GSK3B: variants seen among roughly 807,000 people sequenced by gnomAD.
GSK3B encodes the protein glycogen synthase kinase 3 beta.
GSK3B carries 15 observed loss-of-function variants against 56.4 expected under a neutral mutation model. That is an observed-to-expected ratio of 0.27 (90% CI 0.18 to 0.41). The LOEUF (loss-of-function observed/expected upper bound fraction) is 0.41, where lower values mean the gene tolerates loss of function less well. GSK3B is among the 10% of genes least tolerant of loss of function. The probability of loss-of-function intolerance (pLI) is 1.00; values close to 1 mark genes in which losing one functional copy is unlikely to be tolerated. For missense variants in GSK3B, 300 were observed against 513.4 expected, an observed-to-expected ratio of 0.58 and a Z score of 4.02; for synonymous variants, 181 against 188.9, an observed-to-expected ratio of 0.96 and a Z score of 0.34.
chr3:119,931,641 A>T (rs1394810598), intron 3 of GSK3B, among the ~76,000 whole-genome samples: 6 of 152,058 alleles, frequency 3.9e-5, no homozygotes, highest in Admixed American at 3.3e-4. Context: ...AAAAAGAAAT[A>T]AAAAAATAAA....
intron 2 of GSK3B, among the ~76,000 whole-genome samples, chr3:119,978,179 C>T (rs960816651): frequency 1.4e-4 from 21 of 152,096 alleles, no homozygotes; most frequent in Non-Finnish European, 2.9e-5. Flanking sequence ...AACAACATCA[C>T]CAACCTGAAA....
At chr3:119,879,469 T>C (rs1295532968) in intron 7 of GSK3B, among the ~76,000 whole-genome samples, 1 of 152,170 alleles carries the variant, frequency 6.6e-6, no homozygotes, top group Non-Finnish European at 1.5e-5. Flanking sequence ...GTGTGAGCCA[T>C]TGCGCACAGC....
intron 8 of GSK3B, among the ~76,000 whole-genome samples, chr3:119,865,612 G>A (rs914150099): frequency 1.3e-5 from 2 of 150,458 alleles, no homozygotes; most frequent in Non-Finnish European, 3.0e-5. Context: ...TGGGACTACA[G>A]GCGCCCGCCA....
At chr3:119,948,107 G>A (rs2057118065) in intron 2 of GSK3B, among the ~76,000 whole-genome samples, 1 of 152,170 alleles carries the variant, frequency 6.6e-6, no homozygotes, top group Non-Finnish European at 1.5e-5. Context: ...TTGACTGACA[G>A]AAATCCACTT....
rs142969385 is a variant in GSK3B, at chr3:119,995,488, C to T, written c.282+6558G>A. On this transcript the variant is annotated intron_variant, in intron 2 of 10. Transcript: ENST00000264235. Reference sequence around the variant, plus strand: ...CAATAATTATTTTTTTTTTTTGAGACGGAGTCTCACTCTGTCACCAGGCTG... The same window carrying T: ...CAATAATTATTTTTTTTTTTTGAGATGGAGTCTCACTCTGTCACCAGGCTG... Among the ~76,000 whole-genome samples, 764 of 151,286 alleles carry T rather than the reference C, an allele frequency of 5.1e-3. 7 individuals carry two copies. The highest frequency in any genetic ancestry group is 0.018 in the African/African-American group (739 of 41,278).
intron 9 of GSK3B, among the ~76,000 whole-genome samples, chr3:119,857,889 G>A (rs1326939772): frequency 6.6e-6 from 1 of 152,206 alleles, no homozygotes; most frequent in East Asian, 1.9e-4. Flanking sequence ...TGCTGTGTCA[G>A]TAGGCATGAA....
intron 9 of GSK3B, among the ~76,000 whole-genome samples, chr3:119,860,639 A>C (rs2056089994): frequency 6.6e-6 from 1 of 152,214 alleles, no homozygotes; most frequent in Non-Finnish European, 1.5e-5. Flanking sequence ...CTTTACCTTA[A>C]TAAAACACTA....
intron 1 of GSK3B, chr3:120,029,646 A>G: frequency 3.7e-6 from 2 of 541,396 alleles, no homozygotes; most frequent in South Asian, 3.2e-5. Context: ...GTTCACATTC[A>G]TAGCAGAGAA....
At chr3:119,934,310 G>T (rs2056973656) in intron 3 of GSK3B, among the ~76,000 whole-genome samples, 1 of 152,188 alleles carries the variant, frequency 6.6e-6, no homozygotes, top group South Asian at 2.1e-4. Flanking sequence ...GATATGATGT[G>T]ATGAAAATGA....
intron 2 of GSK3B, among the ~76,000 whole-genome samples, chr3:120,000,644 A>C (rs2057666501): frequency 1.3e-5 from 2 of 152,062 alleles, no homozygotes; most frequent in Admixed American, 1.3e-4. Context: ...ACAGAGGCTT[A>C]ATTACACCCG....
chr3:120,057,690 T>G lies in GSK3B; in HGVS notation c.88+35657A>C, dbSNP rs182996751. On this transcript the variant is annotated intron_variant, in intron 1 of 10. Transcript: ENST00000264235. ...TATAGCTATGTGCAAAGAACTAGGA[T>G]GTGCCTAGAAATTTTAGGTATGTTC... is the stretch of plus-strand genomic sequence containing the variant. Among the ~76,000 whole-genome samples the G allele has an allele frequency of 2.2e-4, 34 of 152,348 alleles. No individual in the cohort carries two copies. In the East Asian group the frequency reaches 6.6e-3, roughly 29 times the overall value.
intron 1 of GSK3B, among the ~76,000 whole-genome samples, chr3:120,046,674 T>C (rs1297933718): frequency 6.6e-6 from 1 of 152,174 alleles, no homozygotes; most frequent in East Asian, 1.9e-4. Flanking sequence ...AGGGGTACAA[T>C]CTTGGCTCAC....
intron 8 of GSK3B, among the ~76,000 whole-genome samples, chr3:119,874,418 T>C (rs1183837715): frequency 6.6e-6 from 1 of 152,050 alleles, no homozygotes; most frequent in Non-Finnish European, 1.5e-5. Flanking sequence ...AATAAAATAA[T>C]GTGAATGTAG....
chr3:120,007,028 AAAG>A (rs1476330358), intron 1 of GSK3B, among the ~76,000 whole-genome samples: 1 of 152,218 alleles, frequency 6.6e-6, no homozygotes, highest in African/African-American at 2.4e-5. Flanking sequence ...CAACACTAAT[AAAG>A]AAGAAACGAG....
intron 1 of GSK3B, among the ~76,000 whole-genome samples, chr3:120,039,933 C>A (rs2107530470): frequency 6.6e-6 from 1 of 152,322 alleles, no homozygotes. Context: ...TCTTGGTCCT[C>A]TCCCGTGAAG....
chr3:119,976,403 G>C (rs2057408703), intron 2 of GSK3B, among the ~76,000 whole-genome samples: 1 of 152,158 alleles, frequency 6.6e-6, no homozygotes. Context: ...TAAAAGGAAT[G>C]AAGTACTGAG....
intron 10 of GSK3B, among the ~76,000 whole-genome samples, chr3:119,827,417 A>G (rs1007321719): frequency 6.6e-6 from 1 of 152,234 alleles, no homozygotes; most frequent in Middle Eastern, 3.4e-3. Flanking sequence ...AGCATCTTGT[A>G]TCAACAGATG....
intron 2 of GSK3B, among the ~76,000 whole-genome samples, chr3:119,982,823 C>T (rs140023603): frequency 5.0e-3 from 768 of 152,246 alleles, no homozygotes; most frequent in Non-Finnish European, 7.4e-3. Flanking sequence ...CCTAGGAAGG[C>T]AGGCCAACAT....
chr3:120,028,610 GC>G, intron 1 of GSK3B: 1 of 302,924 alleles, frequency 3.3e-6, no homozygotes, highest in Admixed American at 3.6e-5. Context: ...CCACTTTCTA[GC>G]CTTATGGAAA....
Sources: gnomAD v4.1 joint callset for allele counts (sites outside exome capture counted in the v4.1 genomes callset) on GRCh38, gnomAD v4.1.1 for gene constraint, MANE v1.5 for transcripts, NCBI Gene and HGNC (gene_info 2026-07-23, HGNC 2026-07-21) for gene names.